SFI1: variants seen among roughly 807,000 people sequenced by gnomAD.
SFI1 encodes the protein protein SFI1 homolog.
SFI1 carries 195 observed loss-of-function variants against 207.5 expected under a neutral mutation model. The ratio of observed to expected loss-of-function variants is 0.94; its 90% CI spans 0.84 to 1.06. SFI1 has a LOEUF of 1.06. Ranked by LOEUF, SFI1 falls within the 50% of genes least tolerant of loss-of-function variation. The probability of loss-of-function intolerance (pLI) is 0.00; values close to 1 mark genes in which losing one functional copy is unlikely to be tolerated. For missense variants in SFI1, 1,634 were observed against 1,588.0 expected (o/e 1.03, Z -0.49); for synonymous variants, 630 against 598.9 (o/e 1.05, Z -0.76).
chr22:31,610,924 CAG>C (rs1341864319), intron 22 of SFI1, among the ~76,000 whole-genome samples: 1 of 152,216 alleles, frequency 6.6e-6, no homozygotes. Context: ...CAACAGTAAA[CAG>C]ATCTGGTTCC....
At chr22:31,550,164 G>T in intron 5 of SFI1, 90 bp from the exon 6 acceptor site, 1 of 891,096 alleles carries the variant, frequency 1.1e-6, no homozygotes, top group South Asian at 1.7e-5. Context: ...CCTTGCCTTG[G>T]CCTCCCAAAG....
intron 4 of SFI1, among the ~76,000 whole-genome samples, chr22:31,540,667 AC>A (rs1436673679): frequency 6.6e-6 from 1 of 150,504 alleles, no homozygotes; most frequent in Non-Finnish European, 1.5e-5. Flanking sequence ...TGCAACCGCC[AC>A]CTCTCAGGTT....
chr22:31,521,962 A>G (rs2147103613), intron 2 of SFI1, among the ~76,000 whole-genome samples: 1 of 150,414 alleles, frequency 6.6e-6, no homozygotes, highest in East Asian at 2.0e-4. Flanking sequence ...ACGGGGTTTC[A>G]TCATGTTGGC....
At position 31,602,296 on chromosome 22, in the gene SFI1, A is replaced by G; in HGVS notation, c.1626+3A>G. The G allele has an allele frequency of 6.2e-7, 1 of 1,613,304 alleles. No individual in the cohort carries two copies. The highest frequency in any genetic ancestry group is 8.5e-7 in the Non-Finnish European group (1 of 1,179,386). On this transcript the variant is annotated splice_donor_region_variant and intron_variant, in intron 16 of 32. Coordinates refer to ENST00000400288, the MANE Select transcript of SFI1 (RefSeq NM_001007467.3). ...AAAACCGCCTGGCAGAGAGAATGGT[A>G]AATGGCTGTCCCTGAGGAGATGTGT...
At chr22:31,550,579 T>A (rs2060530874) in intron 6 of SFI1, 2 of 436,794 alleles carry the variant, frequency 4.6e-6, no homozygotes, top group Non-Finnish European at 4.1e-6. Flanking sequence ...ACTCATTTAA[T>A]CAGAATTTGT....
intron 8 of SFI1, among the ~76,000 whole-genome samples, chr22:31,569,100 A>C (rs769759777): frequency 6.6e-6 from 1 of 152,210 alleles, no homozygotes; most frequent in Non-Finnish European, 1.5e-5. Flanking sequence ...CCAGAGGGTT[A>C]ATGAGAGAGA....
At chr22:31,523,929 C>T (rs1025705145) in intron 2 of SFI1, among the ~76,000 whole-genome samples, 2 of 151,534 alleles carry the variant, frequency 1.3e-5, no homozygotes, top group Admixed American at 1.3e-4. Context: ...AACAATAGCA[C>T]ACCATGGCAA....
At chr22:31,606,693 C>CTTTTTTTTTTTTTTTT (rs10524692) in intron 21 of SFI1, 3 of 113,204 alleles carry the variant, frequency 2.7e-5, no homozygotes, top group Non-Finnish European at 4.7e-5. Context: ...TTCTTTTTTT[C>CTTTTTTTTTTTTTTTT]TTTTTTTTTT....
At chr22:31,561,686 AT>A (rs2061717738) in intron 8 of SFI1, among the ~76,000 whole-genome samples, 1 of 152,208 alleles carries the variant, frequency 6.6e-6, no homozygotes, top group African/African-American at 2.4e-5. Flanking sequence ...GTATACTCTG[AT>A]TTCCTCGTTG....
chr22:31,581,287 CTT>C (rs11382099), intron 12 of SFI1, among the ~76,000 whole-genome samples: 2 of 145,040 alleles, frequency 1.4e-5, no homozygotes, highest in African/African-American at 2.6e-5. Context: ...CCCAAATATA[CTT>C]TTTTTTTTTT....
At chr22:31,606,468 T>C (rs1420178137) in intron 21 of SFI1, 38 bp downstream of exon 21, 2 of 1,564,252 alleles carry the variant, frequency 1.3e-6, no homozygotes, top group African/African-American at 1.4e-5. Flanking sequence ...CCCAGGAGAG[T>C]TGGGACTGTG....
intron 8 of SFI1, 117 bp from the exon 9 acceptor site, chr22:31,572,940 TC>T (rs1324992378): frequency 9.6e-7 from 1 of 1,041,622 alleles, no homozygotes; most frequent in Non-Finnish European, 1.4e-6. Flanking sequence ...GATTGCCACT[TC>T]CTTGTTTCTA....
At chr22:31,589,183 AGTGAGTGAGAGTGTGTGTATGTGT>A (rs2065455444) in intron 14 of SFI1, among the ~76,000 whole-genome samples, 1 of 138,076 alleles carries the variant, frequency 7.2e-6, no homozygotes, top group South Asian at 2.4e-4. Context: ...GGGAAGAGAG[AGTGAGTGAGAGTGTGTGTATGTGT>A]GTGCGTGTGT....
Position 31,614,781 on chromosome 22 carries a change from C to A in SFI1, c.2997-8C>A. The A allele has an allele frequency of 6.2e-7, 1 of 1,613,816 alleles. No homozygotes were observed. The highest frequency in any genetic ancestry group is 1.3e-5 in the African/African-American group (1 of 75,042). On this transcript the variant is annotated splice_region_variant and splice_polypyrimidine_tract_variant and intron_variant, in intron 27 of 32. Transcript: ENST00000400288. ...GCCCAGGGGAACAGACCCCATGTTT[C>A]TTTCCAGCAACACTGCCCACTCAGC...
intron 2 of SFI1, chr22:31,521,415 G>T (rs1210748828): frequency 1.2e-5 from 2 of 163,042 alleles, no homozygotes; most frequent in Non-Finnish European, 1.4e-5. Context: ...TCCAAGGATG[G>T]CTGCACTGTT....
intron 1 of SFI1, among the ~76,000 whole-genome samples, chr22:31,498,307 T>C (rs953634335): frequency 6.8e-6 from 1 of 146,850 alleles, no homozygotes; most frequent in Non-Finnish European, 1.5e-5. Context: ...CAAAAAAATA[T>C]ATATATATTT....
At chr22:31,549,086 G>A (rs1358504018) in intron 5 of SFI1, among the ~76,000 whole-genome samples, 1 of 151,442 alleles carries the variant, frequency 6.6e-6, no homozygotes, top group Admixed American at 6.6e-5. Context: ...CCAGGAGTTC[G>A]AGACCAGCCT....
chr22:31,616,965 AAT>A (rs1241725532), intron 30 of SFI1, 33 bp from the exon 31 acceptor site: 1 of 1,613,868 alleles, frequency 6.2e-7, no homozygotes, highest in South Asian at 1.1e-5. Flanking sequence ...CCGAGGGGAA[AAT>A]AGTCTGAAAC....
At chr22:31,528,889 T>A in intron 3 of SFI1, 26 bp downstream of exon 3, 1 of 1,584,754 alleles carries the variant, frequency 6.3e-7, no homozygotes, top group Non-Finnish European at 8.6e-7. Context: ...GCCACCAGTC[T>A]ATGGGTACTT....
Sources: allele counts gnomAD v4.1 joint callset (sites outside exome capture counted in the v4.1 genomes callset), GRCh38; gene constraint gnomAD v4.1.1; transcripts MANE v1.5; gene names NCBI Gene and HGNC (gene_info 2026-07-23, HGNC 2026-07-21).